MTHFS: variants seen among roughly 807,000 people sequenced by gnomAD.
The protein encoded by MTHFS is 5-formyltetrahydrofolate cyclo-ligase.
In MTHFS, 7 loss-of-function variants were observed where a neutral mutation model predicts 12.7. That is an observed-to-expected ratio of 0.55 (90% confidence interval 0.31 to 1.03). The LOEUF is 1.03. MTHFS is among the 50% of genes least tolerant of loss of function. MTHFS has a pLI of 0.05. For missense variants in MTHFS, 252 were observed against 258.1 expected, an observed-to-expected ratio of 0.98 and a Z score of 0.16; for synonymous variants, 100 against 97.1, an observed-to-expected ratio of 1.03 and a Z score of -0.18.
chr15:79,883,180 G>T (rs1465085973), intron 2 of MTHFS, among the ~76,000 whole-genome samples: 2 of 152,152 alleles, frequency 1.3e-5, no homozygotes, highest in Non-Finnish European at 2.9e-5. Flanking sequence ...CTCCAGTCTG[G>T]GTGAGAGAGT....
At chr15:79,879,376 G>A (rs2034258113) in intron 2 of MTHFS, among the ~76,000 whole-genome samples, 1 of 132,960 alleles carries the variant, frequency 7.5e-6, no homozygotes, top group Admixed American at 8.5e-5. Context: ...CCCCCAGGCT[G>A]GAGTCCAATG....
intron 2 of MTHFS, among the ~76,000 whole-genome samples, chr15:79,850,876 G>C (rs1267257561): frequency 6.6e-6 from 1 of 152,128 alleles, no homozygotes; most frequent in East Asian, 1.9e-4. Flanking sequence ...ATTAGGCTCT[G>C]AGGATTCAGT....
chr15:79,868,105 C>T (rs1340154461), intron 2 of MTHFS, among the ~76,000 whole-genome samples: 1 of 152,200 alleles, frequency 6.6e-6, no homozygotes, highest in Non-Finnish European at 1.5e-5. Context: ...GTAAAAGTAA[C>T]AGCCAAGGTG....
chr15:79,887,093 C>T (rs2034395629), intron 2 of MTHFS, among the ~76,000 whole-genome samples: 1 of 151,982 alleles, frequency 6.6e-6, no homozygotes, highest in Non-Finnish European at 1.5e-5. Flanking sequence ...AATTAGCCAG[C>T]CACGGTGGCG....
At chr15:79,852,707 T>C in intron 2 of MTHFS, among the ~76,000 whole-genome samples, 1 of 152,196 alleles carries the variant, frequency 6.6e-6, no homozygotes, top group Non-Finnish European at 1.5e-5. Context: ...TAGAAATAAG[T>C]ACCAACACCA....
chr15:79,877,832 C>T (rs559636733), intron 2 of MTHFS: 1 of 151,754 alleles, frequency 6.6e-6, no homozygotes, highest in Non-Finnish European at 1.5e-5. Flanking sequence ...CAATGGAGGC[C>T]ACAAGGCAGA....
intron 2 of MTHFS, among the ~76,000 whole-genome samples, chr15:79,861,428 A>G (rs539270502): frequency 6.6e-6 from 1 of 152,298 alleles, no homozygotes; most frequent in South Asian, 2.1e-4. Context: ...GTAGTCATTA[A>G]TGCACGTTCA....
intron 1 of MTHFS, among the ~76,000 whole-genome samples, chr15:79,890,456 T>G (rs946658903): frequency 2.6e-5 from 4 of 152,124 alleles, no homozygotes; most frequent in Non-Finnish European, 5.9e-5. Context: ...CTCAAACTCC[T>G]GAGCTCAACT....
At chr15:79,879,320 C>T (rs1376247396) in intron 2 of MTHFS, among the ~76,000 whole-genome samples, 1 of 138,956 alleles carries the variant, frequency 7.2e-6, no homozygotes, top group Non-Finnish European at 1.5e-5. Context: ...AAATTATTAC[C>T]CTTTTTTTTT....
chr15:79,891,809 T>G (rs1412674903), intron 1 of MTHFS, among the ~76,000 whole-genome samples: 2 of 151,400 alleles, frequency 1.3e-5, no homozygotes, highest in South Asian at 2.1e-4. Flanking sequence ...CTCTACTAAA[T>G]ATACAACAAT....
At chr15:79,859,037 T>C (rs1341709833) in intron 2 of MTHFS, among the ~76,000 whole-genome samples, 1 of 152,112 alleles carries the variant, frequency 6.6e-6, no homozygotes, top group Non-Finnish European at 1.5e-5. Flanking sequence ...AGTAACAACA[T>C]GACTAGAAGC....
At chr15:79,877,411 T>C (rs1336376359) in intron 2 of MTHFS, 6 of 151,698 alleles carry the variant, frequency 4.0e-5, no homozygotes, top group African/African-American at 1.5e-4. Flanking sequence ...ACTAAAGAAA[T>C]CTACACATGC....
chr15:79,855,703 G>A (rs1350622929), intron 2 of MTHFS, among the ~76,000 whole-genome samples: 1 of 152,028 alleles, frequency 6.6e-6, no homozygotes, highest in African/African-American at 2.4e-5. Context: ...AGTGTCTGCT[G>A]TTCCCCTCTT....
chr15:79,879,321 CTTTTTTTTTT>C (rs565488885), intron 2 of MTHFS, among the ~76,000 whole-genome samples: 1 of 79,330 alleles, frequency 1.3e-5, no homozygotes, highest in African/African-American at 5.4e-5. Context: ...AATTATTACC[CTTTTTTTTTT>C]TTTTTTTTTT....
chr15:79,863,423 T>A lies in MTHFS; in HGVS notation c.380-17981A>T, dbSNP rs201730102. On this transcript the variant is annotated intron_variant, in intron 2 of 2. Transcript: ENST00000258874. ...CAAATCCCAGATGTGTGACATACAA[T>A]ACCCTTCACAACGTGGGCCTCCAGC... 2.0e-5 allele frequency among the ~76,000 whole-genome samples: 3 copies of A among 152,304 alleles called. No homozygotes were observed. The East Asian group carries it at 5.8e-4, about 29-fold the overall frequency.
chr15:79,872,073 C>A (rs2141360969), intron 2 of MTHFS, among the ~76,000 whole-genome samples: 1 of 137,364 alleles, frequency 7.3e-6, no homozygotes, highest in Non-Finnish European at 1.5e-5. Context: ...CCACTGCACT[C>A]CAGCCTGGCG....
chr15:79,855,706 C>T (rs1252093740), intron 2 of MTHFS, among the ~76,000 whole-genome samples: 3 of 152,078 alleles, frequency 2.0e-5, no homozygotes, highest in Non-Finnish European at 4.4e-5. Context: ...GTCTGCTGTT[C>T]CCCTCTTTCT....
At chr15:79,855,210 T>C (rs1394886017) in intron 2 of MTHFS, among the ~76,000 whole-genome samples, 1 of 152,220 alleles carries the variant, frequency 6.6e-6, no homozygotes, top group Non-Finnish European at 1.5e-5. Flanking sequence ...CAGCTTATCC[T>C]ATCTTAGCAG....
chr15:79,854,249 G>A (rs2033762621), intron 2 of MTHFS, among the ~76,000 whole-genome samples: 1 of 152,230 alleles, frequency 6.6e-6, no homozygotes. Flanking sequence ...AGATGGAGAT[G>A]CTTAGAGAAA....
Sources: gnomAD v4.1 joint callset for allele counts (sites outside exome capture counted in the v4.1 genomes callset) on GRCh38, gnomAD v4.1.1 for gene constraint, MANE v1.5 for transcripts, NCBI Gene and HGNC (gene_info 2026-07-23, HGNC 2026-07-21) for gene names.